The following FAM120B variants were observed in gnomAD, a reference collection of about 807,000 sequenced individuals.
FAM120B encodes the protein constitutive coactivator of peroxisome proliferator-activated receptor gamma.
A neutral mutation model predicts 96.3 loss-of-function variants in FAM120B; 83 were observed. The ratio of observed to expected loss-of-function variants is 0.86; its 90% CI spans 0.72 to 1.03. The LOEUF (loss-of-function observed/expected upper bound fraction) is 1.03, where lower values mean the gene tolerates loss of function less well. Ranked by LOEUF, FAM120B falls within the 50% of genes least tolerant of loss-of-function variation. The pLI is 0.00. For synonymous variants in FAM120B, 407 were observed against 402.7 expected, an observed-to-expected ratio of 1.01 and a Z score of -0.13; for missense variants, 1,027 against 1,121.2, an observed-to-expected ratio of 0.92 and a Z score of 1.20.
At chr6:170,319,816 C>T (rs533148604) in intron 2 of FAM120B, among the ~76,000 whole-genome samples, 25 of 152,050 alleles carry the variant, frequency 1.6e-4, no homozygotes, top group East Asian at 5.8e-4. Flanking sequence ...CACGCGGGGG[C>T]GCAGGGAGAA....
At chr6:170,397,686 T>C (rs112224672) in intron 9 of FAM120B, among the ~76,000 whole-genome samples, 1 of 152,180 alleles carries the variant, frequency 6.6e-6, no homozygotes, top group Non-Finnish European at 1.5e-5. Context: ...TTGACTGATG[T>C]GGAGTAAAGC....
At chr6:170,311,836 G>C (rs1784614224) in intron 1 of FAM120B, among the ~76,000 whole-genome samples, 1 of 152,202 alleles carries the variant, frequency 6.6e-6, no homozygotes, top group South Asian at 2.1e-4. Flanking sequence ...TGAGTTACAA[G>C]TGGGTCTGTT....
upstream of FAM120B, among the ~76,000 whole-genome samples, chr6:170,293,207 G>A (rs938858983): frequency 6.6e-6 from 1 of 151,948 alleles, no homozygotes; most frequent in African/African-American, 2.4e-5. Context: ...TAGGTGAAAG[G>A]GTTTCAGGAG....
chr6:170,395,191 G>A (rs888284442), intron 8 of FAM120B, among the ~76,000 whole-genome samples: 1 of 152,130 alleles, frequency 6.6e-6, no homozygotes, highest in African/African-American at 2.4e-5. Context: ...GGTCCAGGGG[G>A]CCCCAGGGAA....
chr6:170,387,295 C>T (rs563908710), intron 6 of FAM120B, among the ~76,000 whole-genome samples: 1 of 152,314 alleles, frequency 6.6e-6, no homozygotes, highest in Admixed American at 6.5e-5. Context: ...CAAGGTTCTT[C>T]TATTTTAGTA....
At chr6:170,349,026 C>T (rs1484127636) in intron 5 of FAM120B, among the ~76,000 whole-genome samples, 1 of 152,166 alleles carries the variant, frequency 6.6e-6, no homozygotes, top group African/African-American at 2.4e-5. Context: ...TCATAAAAAT[C>T]AGTTAAAAGA....
intron 4 of FAM120B, 129 bp downstream of exon 4, chr6:170,330,679 G>T: frequency 1.4e-6 from 1 of 696,892 alleles, no homozygotes; most frequent in South Asian, 1.9e-5. Flanking sequence ...TTAAACCCTT[G>T]GCTCATGATT....
chr6:170,352,230 G>A (rs116258353), intron 5 of FAM120B, among the ~76,000 whole-genome samples: 23 of 152,280 alleles, frequency 1.5e-4, no homozygotes, highest in African/African-American at 5.3e-4. Flanking sequence ...TTAACAAGAA[G>A]AGCTAACTAT....
At chr6:170,387,048 T>C (rs2115306817) in intron 6 of FAM120B, among the ~76,000 whole-genome samples, 1 of 152,344 alleles carries the variant, frequency 6.6e-6, no homozygotes, top group Middle Eastern at 3.4e-3. Context: ...TTCAGGCTTC[T>C]GTAGGAAATA....
chr6:170,404,797 C>T lies in FAM120B; in HGVS notation c.*46C>T, dbSNP rs13207394. ...GGAGAGAAAAAGAGGCACACCTGGA[C>T]GCAGAGCCCTGCCAGCGCCCTCCTC... On this transcript the variant is annotated 3_prime_UTR_variant, in exon 11 of 11. Coordinates refer to ENST00000476287, the MANE Select transcript of FAM120B (RefSeq NM_032448.3). 94 of 576,546 alleles carry T rather than the reference C, an allele frequency of 1.6e-4. No homozygotes were observed. The Middle Eastern group carries it at 1.8e-3, about 11-fold the overall frequency. 35.7% of individuals were successfully genotyped at this position (576,546 alleles called of 1,614,324 possible).
chr6:170,341,558 C>T (rs985103334), intron 4 of FAM120B, among the ~76,000 whole-genome samples: 2 of 152,210 alleles, frequency 1.3e-5, no homozygotes, highest in African/African-American at 4.8e-5. Flanking sequence ...AAAACTCCTG[C>T]AGCTAGCTCG....
At chr6:170,342,598 C>T (rs989341757) in intron 4 of FAM120B, among the ~76,000 whole-genome samples, 9 of 152,198 alleles carry the variant, frequency 5.9e-5, no homozygotes, top group Non-Finnish European at 8.8e-5. Context: ...CTCAGGACAG[C>T]CTTCAGAGCT....
At chr6:170,376,572 G>A (rs1324924063) in intron 6 of FAM120B, among the ~76,000 whole-genome samples, 1 of 152,164 alleles carries the variant, frequency 6.6e-6, no homozygotes, top group Non-Finnish European at 1.5e-5. Context: ...AGAGCGGTAT[G>A]CAAGAAAAGA....
Position 170,318,279 on chromosome 6 carries a change from T to G in FAM120B, c.889T>G (p.Phe297Val), listed in dbSNP as rs1267411235. 2 of 1,614,146 alleles carry G rather than the reference T, an allele frequency of 1.2e-6. No individual in the cohort carries two copies. The highest frequency in any genetic ancestry group is 1.7e-6 in the Non-Finnish European group (2 of 1,180,034). The part of the protein sequence containing the change: ...ILPLGPNKAL[F>V]YKGMASYLLP... ...ACCTCTGGGACCAAACAAAGCTCTT[T>G]TTTATAAAGGAATGGCATCATATCT... The change falls in exon 2 of 11, where the codon TTT (phenylalanine) becomes GTT (valine). Residue 297 changes from phenylalanine to valine, a missense_variant. Around this residue, in one of 3 missense-constraint regions of FAM120B, gnomAD observed 880 missense variants for 980.9 expected, o/e 0.90. Transcript: ENST00000476287.
chr6:170,338,844 C>CTTTTTTTTTTTTTT (rs61188907), intron 4 of FAM120B, among the ~76,000 whole-genome samples: 3 of 85,412 alleles, frequency 3.5e-5, no homozygotes, highest in Admixed American at 1.3e-4. Flanking sequence ...TTGCAACCTG[C>CTTTTTTTTTTTTTT]TTTTTTTTTT....
At chr6:170,336,847 G>A (rs2115092527) in intron 4 of FAM120B, among the ~76,000 whole-genome samples, 1 of 152,222 alleles carries the variant, frequency 6.6e-6, no homozygotes, top group Admixed American at 6.5e-5. Context: ...TATTATTGGT[G>A]TATAGGAATG....
intron 5 of FAM120B, among the ~76,000 whole-genome samples, chr6:170,350,265 T>C (rs930109380): frequency 6.6e-6 from 1 of 152,170 alleles, no homozygotes; most frequent in Non-Finnish European, 1.5e-5. Flanking sequence ...ACCCTCTGGC[T>C]TGGAATCCCA....
chr6:170,342,103 G>T (rs963331761), intron 4 of FAM120B, among the ~76,000 whole-genome samples: 1 of 152,186 alleles, frequency 6.6e-6, no homozygotes, highest in Non-Finnish European at 1.5e-5. Flanking sequence ...CATCCAGCAT[G>T]GGAGAAGGAT....
intron 1 of FAM120B, among the ~76,000 whole-genome samples, chr6:170,316,514 T>C (rs1339904710): frequency 6.6e-6 from 1 of 152,220 alleles, no homozygotes; most frequent in Non-Finnish European, 1.5e-5. Flanking sequence ...TAATGTCATA[T>C]ACAATATTGT....
Sources: allele counts gnomAD v4.1 joint callset (sites outside exome capture counted in the v4.1 genomes callset), GRCh38; gene constraint gnomAD v4.1.1; regional missense constraint gnomAD v4.1.1; transcripts MANE v1.5; gene names NCBI Gene and HGNC (gene_info 2026-07-23, HGNC 2026-07-21).